Variants in NEGR1 observed in about 807,000 individuals in gnomAD.
NEGR1 encodes IgLON family member 4.
NEGR1 carries 10 observed loss-of-function variants against 40.9 expected under a neutral mutation model. The observed-to-expected ratio is 0.24, with a 90% CI of 0.15 to 0.42. The LOEUF is 0.42. NEGR1 is among the 10% of genes least tolerant of loss of function. NEGR1 has a pLI of 1.00. For synonymous variants in NEGR1, 185 were observed against 166.8 expected (o/e 1.11, Z -0.84); for missense variants, 352 against 438.9 (o/e 0.80, Z 1.77).
At chr1:71,556,660 C>T (rs1035860624) in intron 6 of NEGR1, among the ~76,000 whole-genome samples, 1 of 151,380 alleles carries the variant, frequency 6.6e-6, no homozygotes, top group Admixed American at 6.6e-5. Flanking sequence ...CACATACACA[C>T]ACACAAGTCC....
At chr1:71,530,415 T>A (rs1255887890) in intron 6 of NEGR1, among the ~76,000 whole-genome samples, 2 of 151,292 alleles carry the variant, frequency 1.3e-5, no homozygotes, top group African/African-American at 4.8e-5. Context: ...TGCACATTCT[T>A]TTAAAAGCTT....
chr1:72,124,383 T>C (rs949911272), intron 1 of NEGR1, among the ~76,000 whole-genome samples: 3 of 151,594 alleles, frequency 2.0e-5, no homozygotes, highest in Non-Finnish European at 2.9e-5. Context: ...TAAAGAGAAC[T>C]GAAAAAAAGA....
At chr1:71,982,346 T>A (rs2100341034) in intron 1 of NEGR1, among the ~76,000 whole-genome samples, 1 of 149,776 alleles carries the variant, frequency 6.7e-6, no homozygotes, top group African/African-American at 2.5e-5. Context: ...CCATCTCCTG[T>A]CCCTAAAGGG....
chr1:72,113,187 G>C (rs1649444943), intron 1 of NEGR1, among the ~76,000 whole-genome samples: 1 of 151,638 alleles, frequency 6.6e-6, no homozygotes, highest in Non-Finnish European at 1.5e-5. Flanking sequence ...GAACGGACTA[G>C]CAAGCTATGT....
intron 2 of NEGR1, among the ~76,000 whole-genome samples, chr1:71,792,552 A>G (rs1323547682): frequency 6.6e-6 from 1 of 152,066 alleles, no homozygotes; most frequent in Non-Finnish European, 1.5e-5. Flanking sequence ...TTTCCAACAT[A>G]TTGCAAAAAC....
intron 1 of NEGR1, among the ~76,000 whole-genome samples, chr1:72,191,410 A>T (rs1652816141): frequency 6.6e-6 from 1 of 151,830 alleles, no homozygotes; most frequent in South Asian, 2.1e-4. Flanking sequence ...ATACACACAC[A>T]TACACACAAA....
intron 6 of NEGR1, among the ~76,000 whole-genome samples, chr1:71,470,568 CAG>C (rs973226458): frequency 1.7e-4 from 26 of 152,170 alleles, no homozygotes; most frequent in African/African-American, 6.0e-4. Flanking sequence ...ACTACTGCTA[CAG>C]AGAGAGTTTT....
intron 1 of NEGR1, among the ~76,000 whole-genome samples, chr1:72,012,650 C>A (rs1646667047): frequency 6.6e-6 from 1 of 151,924 alleles, no homozygotes; most frequent in South Asian, 2.1e-4. Flanking sequence ...CCTGTTTAAG[C>A]CAGACCCTCT....
chr1:71,524,325 TG>T (rs1647192047), intron 6 of NEGR1, among the ~76,000 whole-genome samples: 1 of 149,982 alleles, frequency 6.7e-6, no homozygotes, highest in African/African-American at 2.4e-5. Context: ...AGTGTGTGTG[TG>T]TGTGTGTGTG....
chr1:71,700,811 G>A (rs776006665), intron 3 of NEGR1, among the ~76,000 whole-genome samples: 9 of 151,946 alleles, frequency 5.9e-5, no homozygotes, highest in Non-Finnish European at 1.0e-4. Flanking sequence ...TGTGAATAAT[G>A]TTAAGGACCT....
intron 6 of NEGR1, among the ~76,000 whole-genome samples, chr1:71,441,616 T>A (rs1045159874): frequency 6.6e-6 from 1 of 152,238 alleles, no homozygotes; most frequent in Non-Finnish European, 1.5e-5. Context: ...CAAGGGTTTT[T>A]AAAATCCCTT....
chr1:71,817,230 G>GTCT (rs1458353692), intron 2 of NEGR1, among the ~76,000 whole-genome samples: 1 of 152,034 alleles, frequency 6.6e-6, no homozygotes, highest in Non-Finnish European at 1.5e-5. Flanking sequence ...TGAGCAGACT[G>GTCT]CCTCCAGCTA....
rs1402005266 is a variant in NEGR1 at position 71,403,028 on chromosome 1, T to A, written c.*4418A>T. ...GTATATAGATTTCTCAGAATAGCAA[T>A]GATACTTATATTTCAAAATAGCTTA... On this transcript the variant is annotated 3_prime_UTR_variant, in exon 7 of 7. Coordinates refer to ENST00000357731, the MANE Select transcript of NEGR1 (RefSeq NM_173808.3). 1 of 152,132 alleles carries A rather than the reference T, an allele frequency of 6.6e-6. No homozygotes were observed. The highest frequency in any genetic ancestry group is 1.5e-5 in the Non-Finnish European group (1 of 67,962). The allele number at this position is 152,132 out of a possible 1,614,324, so 9.4% of individuals were successfully genotyped here.
At chr1:71,840,483 A>G (rs1053908160) in intron 2 of NEGR1, among the ~76,000 whole-genome samples, 1 of 152,102 alleles carries the variant, frequency 6.6e-6, no homozygotes, top group African/African-American at 2.4e-5. Flanking sequence ...TCTGTGGTAT[A>G]TCAGATGTGG....
intron 1 of NEGR1, among the ~76,000 whole-genome samples, chr1:72,201,301 AT>A (rs1056203291): frequency 9.3e-5 from 14 of 150,752 alleles, no homozygotes; most frequent in East Asian, 1.9e-4. Flanking sequence ...ATAAAAAATA[AT>A]TTTTTTATAT....
At chr1:71,424,492 C>G (rs1569855515) in intron 6 of NEGR1, among the ~76,000 whole-genome samples, 2 of 152,282 alleles carry the variant, frequency 1.3e-5, no homozygotes, top group East Asian at 3.9e-4. Context: ...CTCAGTCAAG[C>G]ACTAATCTAA....
intron 4 of NEGR1, among the ~76,000 whole-genome samples, chr1:71,612,374 A>T (rs1043156484): frequency 6.6e-6 from 1 of 152,212 alleles, no homozygotes; most frequent in Non-Finnish European, 1.5e-5. Flanking sequence ...TGCCTAGCAC[A>T]GTGTGATGCT....
chr1:72,245,051 A>C (rs1322444785), intron 1 of NEGR1, among the ~76,000 whole-genome samples: 1 of 152,046 alleles, frequency 6.6e-6, no homozygotes, highest in African/African-American at 2.4e-5. Flanking sequence ...ACAAGAAGAG[A>C]GAGCATTGCC....
At chr1:71,555,311 A>G (rs1260162082) in intron 6 of NEGR1, among the ~76,000 whole-genome samples, 1 of 151,552 alleles carries the variant, frequency 6.6e-6, no homozygotes, top group East Asian at 2.0e-4. Flanking sequence ...GCTAAGCAGC[A>G]AAGAATTCCA....
Sources: gnomAD v4.1 joint callset for allele counts (sites outside exome capture counted in the v4.1 genomes callset) on GRCh38, gnomAD v4.1.1 for gene constraint, MANE v1.5 for transcripts, NCBI Gene and HGNC (gene_info 2026-07-23, HGNC 2026-07-21) for gene names.